ARVCF: variants seen among roughly 807,000 people sequenced by gnomAD.
ARVCF encodes the protein splicing regulator ARVCF.
Under a neutral mutation model 90.9 loss-of-function variants are expected in ARVCF, and 66 were observed. That is an observed-to-expected ratio of 0.73 (90% CI 0.60 to 0.89). The LOEUF (loss-of-function observed/expected upper bound fraction) is 0.89, where lower values mean the gene tolerates loss of function less well. Ranked by LOEUF, ARVCF falls within the 40% of genes least tolerant of loss-of-function variation. The probability of loss-of-function intolerance (pLI) is 0.00; values close to 1 mark genes in which losing one functional copy is unlikely to be tolerated. For missense variants in ARVCF, 1,469 were observed against 1,382.3 expected (o/e 1.06, Z -1.00); for synonymous variants, 653 against 603.4 (o/e 1.08, Z -1.21).
intron 5 of ARVCF, 182 bp from the exon 6 acceptor site, chr22:19,980,424 C>G: frequency 1.1e-6 from 1 of 946,898 alleles, no homozygotes; most frequent in East Asian, 3.1e-5. Context: ...CCAGTGAGAA[C>G]CAATTCAGAG....
chr22:19,973,685 G>GAGCGAT lies in ARVCF; in HGVS notation c.2191_2196dup (p.Ile731_Ala732dup), dbSNP rs746189528. 5 of 1,610,444 alleles carry GAGCGAT rather than the reference G, an allele frequency of 3.1e-6. No individual in the cohort carries two copies. In the African/African-American group the frequency reaches 5.3e-5, roughly 17 times the overall value. Reference sequence around the variant, plus strand: ...CGCCGGTCCAGCGAGAGGTTGCGCAGAGCGATGGCGACGGCGCGCACCACC... The same window carrying GAGCGAT: ...CGCCGGTCCAGCGAGAGGTTGCGCAGAGCGATAGCGATGGCGACGGCGCGCACCACC... On this transcript the variant is annotated inframe_insertion, in exon 13 of 20. Transcript: ENST00000263207.
chr22:19,966,313 G>T (rs80244944), downstream of ARVCF, among the ~76,000 whole-genome samples: 3 of 152,058 alleles, frequency 2.0e-5, no homozygotes, highest in African/African-American at 4.8e-5. Flanking sequence ...GGCACGAGGG[G>T]TGAGGGGCTC....
intron 3 of ARVCF, among the ~76,000 whole-genome samples, chr22:19,985,766 C>T (rs1943735440): frequency 6.6e-6 from 1 of 152,216 alleles, no homozygotes; most frequent in South Asian, 2.1e-4. Context: ...AGGCCCCTCC[C>T]CTGTCCAAGG....
chr22:19,982,332 G>GA (rs1943550019), intron 3 of ARVCF, among the ~76,000 whole-genome samples: 1 of 152,180 alleles, frequency 6.6e-6, no homozygotes, highest in South Asian at 2.1e-4. Flanking sequence ...ATCCTGGGGG[G>GA]ACCCTGGGGC....
chr22:19,981,430 C>G lies in ARVCF; in HGVS notation c.677G>C (p.Cys226Ser). 1 of 1,567,230 alleles carries G rather than the reference C, an allele frequency of 6.4e-7. No individual in the cohort carries two copies. The change falls in exon 5 of 20, where the codon TGC (cysteine) becomes TCC (serine). Residue 226 changes from cysteine (C) to serine (S), a missense_variant. By Grantham distance (112) the Cys-to-Ser change is moderately radical. Coordinates refer to ENST00000263207, the MANE Select transcript of ARVCF (RefSeq NM_001670.3). The part of the protein sequence containing the change: ...GPLGPGPGDG[C>S]FTLPGHREAF... ...TTCCCGGTGGCCAGGCAGTGTGAAG[C>G]AGCCATCACCAGGGCCTGGGCCAAG...
chr22:20,000,777 G>T (rs900260378), intron 2 of ARVCF, among the ~76,000 whole-genome samples: 2 of 152,154 alleles, frequency 1.3e-5, no homozygotes, highest in Non-Finnish European at 2.9e-5. Context: ...GCTCTTGAGG[G>T]CTGGTTTACC....
intron 2 of ARVCF, among the ~76,000 whole-genome samples, chr22:20,006,438 G>A (rs187346110): frequency 0.012 from 1,875 of 151,646 alleles, 25 homozygotes; most frequent in Non-Finnish European, 0.019. Context: ...AATTAGCCGG[G>A]TGTGGCGGTG....
chr22:19,979,056 T>A lies in ARVCF; in HGVS notation c.1421A>T (p.Tyr474Phe). 1.2e-6 allele frequency: 2 copies of A among 1,613,184 alleles called. No individual in the cohort carries two copies. The highest frequency in any genetic ancestry group is 1.3e-5 in the African/African-American group (1 of 75,012). The part of the protein sequence containing the change: ...VTGTLWNLSS[Y>F]EPLKMVIIDH... Reference sequence around the variant, plus strand: ...AATGATGACCATCTTCAGGGGCTCATAGGATGACAGGTTCCACAGGGTGCC... The same window carrying A: ...AATGATGACCATCTTCAGGGGCTCAAAGGATGACAGGTTCCACAGGGTGCC... Residue 474 changes from tyrosine to phenylalanine, a missense_variant, in exon 7 of 20, where the codon TAT becomes TTT. Transcript: ENST00000263207.
intron 17 of ARVCF, 146 bp downstream of exon 17, chr22:19,972,212 G>T: frequency 2.7e-6 from 3 of 1,120,264 alleles, no homozygotes; most frequent in Non-Finnish European, 3.9e-6. Flanking sequence ...CTCTCTAGCT[G>T]CCCTGTACCT....
At chr22:19,968,602 G>T (rs773064787), downstream of ARVCF, 14 of 1,613,962 alleles carry the variant, frequency 8.7e-6, no homozygotes, top group African/African-American at 1.9e-4. Flanking sequence ...AGGTGCGCCA[G>T]ACTTCCTAGC....
chr22:19,992,460 A>G (rs545015191), intron 2 of ARVCF, among the ~76,000 whole-genome samples: 1 of 152,322 alleles, frequency 6.6e-6, no homozygotes, highest in African/African-American at 2.4e-5. Context: ...GTCTACCCAC[A>G]GGCCCCAGAC....
At chr22:19,981,819 C>T (rs1004594702) in intron 4 of ARVCF, 82 bp from the exon 5 acceptor site, 42 of 1,547,066 alleles carry the variant, frequency 2.7e-5, no homozygotes, top group Non-Finnish European at 3.7e-5. Context: ...GCCTTAATTT[C>T]CCACTCGAGC....
chr22:19,977,903 C>T, intron 8 of ARVCF, 55 bp downstream of exon 8: 1 of 1,529,148 alleles, frequency 6.5e-7, no homozygotes, highest in African/African-American at 1.4e-5. Context: ...CCTCCTGGGA[C>T]CTGCATGATC....
chr22:19,976,671 G>A lies in ARVCF; in HGVS notation c.1888+35C>T, dbSNP rs770385901. The A allele has an allele frequency of 4.1e-5, 64 of 1,552,740 alleles. No individual in the cohort carries two copies. In the Admixed American group the frequency reaches 9.0e-4, roughly 22 times the overall value. The stretch of plus-strand genomic sequence containing the variant: ...CTCTTCCCAGGTACCCACTGCACAC[G>A]CCAGGCCTGGAGAGCAGGATAAAAA... On this transcript the variant is annotated intron_variant, in intron 10 of 19. Coordinates refer to ENST00000263207, the MANE Select transcript of ARVCF (RefSeq NM_001670.3).
downstream of ARVCF, chr22:19,969,792 C>G: frequency 1.0e-6 from 1 of 974,246 alleles, no homozygotes; most frequent in African/African-American, 1.8e-5. Context: ...CAGATGGGCA[C>G]CTGGGACCAC....
chr22:19,985,257 G>A (rs1053466138), intron 3 of ARVCF, among the ~76,000 whole-genome samples: 5 of 151,994 alleles, frequency 3.3e-5, no homozygotes, highest in Admixed American at 1.3e-4. Context: ...CTTGCACCCC[G>A]CCCGGCCTCC....
At chr22:20,005,003 C>G (rs1944570400) in intron 2 of ARVCF, among the ~76,000 whole-genome samples, 1 of 152,050 alleles carries the variant, frequency 6.6e-6, no homozygotes, top group East Asian at 1.9e-4. Flanking sequence ...AGATAAGATA[C>G]CAAAAACACA....
chr22:19,981,080 C>T, intron 5 of ARVCF, 131 bp downstream of exon 5: 1 of 1,249,660 alleles, frequency 8.0e-7, no homozygotes, highest in Non-Finnish European at 1.1e-6. Context: ...CTGACGAGAG[C>T]CAAGGCCAAT....
chr22:19,971,121 G>A (rs983893352), intron 19 of ARVCF, 95 bp downstream of exon 19: 50 of 1,540,876 alleles, frequency 3.2e-5, no homozygotes, highest in Admixed American at 3.1e-4. Context: ...GGGAACGTGC[G>A]GGAAGAGCAG....
Sources: gnomAD v4.1 joint callset for allele counts (sites outside exome capture counted in the v4.1 genomes callset) on GRCh38, gnomAD v4.1.1 for gene constraint, MANE v1.5 for transcripts, NCBI Gene and HGNC (gene_info 2026-07-23, HGNC 2026-07-21) for gene names.